Variants in DLG2 observed in about 807,000 individuals in gnomAD.
The protein encoded by DLG2 is discs large MAGUK scaffold protein 2.
In DLG2, 45 loss-of-function variants were observed where a neutral mutation model predicts 132.5. The observed-to-expected ratio is 0.34, with a 90% CI of 0.27 to 0.44. The LOEUF (loss-of-function observed/expected upper bound fraction) is 0.44, where lower values mean the gene tolerates loss of function less well. Among genes scored for constraint, DLG2 ranks in the 20% least tolerant of loss-of-function variants. The pLI, the probability that DLG2 is intolerant of heterozygous loss-of-function variation, is 1.00. For synonymous variants in DLG2, 424 were observed against 419.6 expected, an observed-to-expected ratio of 1.01 and a Z score of -0.13; for missense variants, 1,045 against 1,196.9, an observed-to-expected ratio of 0.87 and a Z score of 1.87.
At chr11:83,516,541 T>C (rs1012967277) in intron 21 of DLG2, among the ~76,000 whole-genome samples, 5 of 152,222 alleles carry the variant, frequency 3.3e-5, no homozygotes, top group Non-Finnish European at 5.9e-5. Context: ...GTTAGTATTG[T>C]TATGTGTGAA....
chr11:83,778,391 C>T (rs2094675095), intron 18 of DLG2, among the ~76,000 whole-genome samples: 1 of 152,082 alleles, frequency 6.6e-6, no homozygotes, highest in Non-Finnish European at 1.5e-5. Context: ...ATTTATTTGG[C>T]TTTTTCCAGT....
At chr11:84,392,480 G>A (rs2098795897) in intron 7 of DLG2, among the ~76,000 whole-genome samples, 1 of 152,122 alleles carries the variant, frequency 6.6e-6, no homozygotes, top group African/African-American at 2.4e-5. Context: ...TGTCTTGTAG[G>A]TTGGCCATAT....
intron 3 of DLG2, among the ~76,000 whole-genome samples, chr11:85,319,723 T>C (rs1271254217): frequency 1.3e-5 from 2 of 151,856 alleles, no homozygotes; most frequent in Non-Finnish European, 3.0e-5. Context: ...TCCTGGAGAA[T>C]GTTCAATGTG....
At chr11:84,899,701 G>A (rs2090647862) in intron 6 of DLG2, among the ~76,000 whole-genome samples, 1 of 152,010 alleles carries the variant, frequency 6.6e-6, no homozygotes, top group South Asian at 2.1e-4. Flanking sequence ...CAAAAGAGAA[G>A]CAGGGAGCAT....
chr11:83,851,469 A>T (rs913218320), intron 16 of DLG2, among the ~76,000 whole-genome samples: 1 of 151,672 alleles, frequency 6.6e-6, no homozygotes, highest in Non-Finnish European at 1.5e-5. Context: ...TACTAAAAAT[A>T]CAAAAAAATT....
intron 3 of DLG2, among the ~76,000 whole-genome samples, chr11:85,405,763 A>C (rs2088666369): frequency 1.3e-5 from 2 of 151,984 alleles, no homozygotes; most frequent in African/African-American, 2.4e-5. Flanking sequence ...GTTCTTCACC[A>C]TTCCACAATA....
intron 8 of DLG2, among the ~76,000 whole-genome samples, chr11:84,181,220 G>A (rs2096117861): frequency 6.6e-6 from 1 of 151,626 alleles, no homozygotes; most frequent in Non-Finnish European, 1.5e-5. Flanking sequence ...TGGCAGAATG[G>A]GGAATATTTT....
rs12222269 is a variant in DLG2 at position 83,894,096 on chromosome 11, A to G, written c.1497-19608T>C. ...CCAGGAAACAACCAATGTATTCCAG[A>G]ATTCACTTTACTCAGTCGTCTACCT... On this transcript the variant is annotated intron_variant, in intron 15 of 27. Transcript: ENST00000376104. 4.3e-3 allele frequency among the ~76,000 whole-genome samples: 649 copies of G among 152,294 alleles called. 19 individuals carry two copies. The East Asian group carries it at 0.1, about 24-fold the overall frequency.
intron 7 of DLG2, among the ~76,000 whole-genome samples, chr11:84,353,188 T>A (rs1197750946): frequency 6.6e-6 from 1 of 152,180 alleles, no homozygotes; most frequent in Non-Finnish European, 1.5e-5. Flanking sequence ...CAACTGTTTT[T>A]TACCGCTTGC....
intron 3 of DLG2, among the ~76,000 whole-genome samples, chr11:85,534,343 A>G (rs2075426932): frequency 6.6e-6 from 1 of 152,058 alleles, no homozygotes; most frequent in African/African-American, 2.4e-5. Flanking sequence ...TCCATGAAAT[A>G]TAATTTTTTT....
At chr11:83,788,925 T>A (rs562731075) in intron 17 of DLG2, among the ~76,000 whole-genome samples, 1 of 152,244 alleles carries the variant, frequency 6.6e-6, no homozygotes, top group Non-Finnish European at 1.5e-5. Flanking sequence ...AATTTGTACC[T>A]GAGTTTAATG....
intron 7 of DLG2, among the ~76,000 whole-genome samples, chr11:84,308,415 G>A (rs1020599029): frequency 6.6e-6 from 1 of 152,154 alleles, no homozygotes; most frequent in African/African-American, 2.4e-5. Context: ...GCCCATTGGT[G>A]TATTTACAAT....
intron 3 of DLG2, among the ~76,000 whole-genome samples, chr11:85,385,682 G>T (rs1045895022): frequency 6.6e-6 from 1 of 152,134 alleles, no homozygotes; most frequent in Non-Finnish European, 1.5e-5. Flanking sequence ...CTATGCTAAG[G>T]CTGTGAAACT....
At chr11:83,876,159 G>C (rs972553000) in intron 15 of DLG2, among the ~76,000 whole-genome samples, 12 of 152,214 alleles carry the variant, frequency 7.9e-5, no homozygotes, top group Admixed American at 5.2e-4. Flanking sequence ...CATCTTATAA[G>C]ACTGGGATAG....
In DLG2 at chr11:84,107,084, T is replaced by A. The variant is rs1406737953; in HGVS notation, c.625-8037A>T. Among the ~76,000 whole-genome samples the A allele has an allele frequency of 2.7e-5, 4 of 150,728 alleles. No homozygotes were observed. In the Admixed American group the frequency reaches 2.7e-4, roughly 10 times the overall value. ...GAAGGAGAAAAAGCAGAGGAAAGATTTTGGAGGATGGCAGGGAGGGGACTC... is the reference window on the plus strand; with the variant it reads ...GAAGGAGAAAAAGCAGAGGAAAGATATTGGAGGATGGCAGGGAGGGGACTC... On this transcript the variant is annotated intron_variant, in intron 9 of 27. Coordinates refer to ENST00000376104, the MANE Select transcript of DLG2 (RefSeq NM_001142699.3).
At chr11:84,007,286 AAAG>A (rs2094616206) in intron 11 of DLG2, among the ~76,000 whole-genome samples, 2 of 151,760 alleles carry the variant, frequency 1.3e-5, no homozygotes, top group Admixed American at 6.6e-5. Context: ...CAGACATGCC[AAAG>A]AAGGTGTCTG....
intron 4 of DLG2, among the ~76,000 whole-genome samples, chr11:85,156,679 G>T (rs1032989494): frequency 6.6e-6 from 1 of 152,142 alleles, no homozygotes; most frequent in Admixed American, 6.5e-5. Flanking sequence ...TGCTGATTGA[G>T]CCTGCACTGT....
intron 8 of DLG2, among the ~76,000 whole-genome samples, chr11:84,169,958 G>A (rs2095781874): frequency 1.3e-5 from 2 of 151,784 alleles, no homozygotes; most frequent in Non-Finnish European, 2.9e-5. Flanking sequence ...CCCTTGCCCA[G>A]TATTGATCAT....
chr11:84,984,945 A>C (rs1031692284), intron 6 of DLG2, among the ~76,000 whole-genome samples: 20 of 152,216 alleles, frequency 1.3e-4, no homozygotes, highest in African/African-American at 4.6e-4. Flanking sequence ...TCACACTCCT[A>C]AATATATGCA....
Sources: allele counts gnomAD v4.1 joint callset (sites outside exome capture counted in the v4.1 genomes callset), GRCh38; gene constraint gnomAD v4.1.1; transcripts MANE v1.5; gene names NCBI Gene and HGNC (gene_info 2026-07-23, HGNC 2026-07-21).